The following SYT1 variants were observed in gnomAD, a reference collection of about 807,000 sequenced individuals.
The protein encoded by SYT1 is synaptotagmin-1.
A neutral mutation model predicts 44.8 loss-of-function variants in SYT1; 8 were observed. That is an observed-to-expected ratio of 0.18 (90% CI 0.10 to 0.32). SYT1 has a LOEUF of 0.32. Ranked by LOEUF, SYT1 falls within the 10% of genes least tolerant of loss-of-function variation. The pLI is 1.00. For synonymous variants in SYT1, 154 were observed against 188.8 expected (o/e 0.82, Z 1.51); for missense variants, 286 against 509.3 (o/e 0.56, Z 4.22).
chr12:78,903,657 T>A (rs944165411), intron 1 of SYT1, among the ~76,000 whole-genome samples: 1 of 152,120 alleles, frequency 6.6e-6, no homozygotes, highest in Non-Finnish European at 1.5e-5. Context: ...TTTTATTCTT[T>A]CTGCATTCTA....
chr12:78,872,335 T>C (rs1873864991), intron 1 of SYT1, among the ~76,000 whole-genome samples: 1 of 151,872 alleles, frequency 6.6e-6, no homozygotes, highest in Non-Finnish European at 1.5e-5. Flanking sequence ...AGGAGAGAGC[T>C]GACTCCTTCA....
intron 4 of SYT1, 84 bp downstream of exon 4, chr12:79,217,769 G>T (rs191490209): frequency 1.8e-6 from 2 of 1,104,156 alleles, no homozygotes; most frequent in East Asian, 5.5e-5. Context: ...AACTCCGTTT[G>T]ATATACTATA....
At chr12:78,983,501 A>T (rs1869419949) in intron 2 of SYT1, among the ~76,000 whole-genome samples, 1 of 152,106 alleles carries the variant, frequency 6.6e-6, no homozygotes, top group African/African-American at 2.4e-5. Flanking sequence ...TATTCCAATT[A>T]TCCTAACAAC....
intron 8 of SYT1, among the ~76,000 whole-genome samples, chr12:79,306,620 A>G (rs1354187601): frequency 6.6e-6 from 1 of 152,246 alleles, no homozygotes; most frequent in Non-Finnish European, 1.5e-5. Context: ...GGAGATATAA[A>G]TTCTGATACA....
chr12:79,358,205 T>G (rs1424153674), intron 9 of SYT1, among the ~76,000 whole-genome samples: 1 of 152,160 alleles, frequency 6.6e-6, no homozygotes, highest in Non-Finnish European at 1.5e-5. Flanking sequence ...TAAATGAAAT[T>G]CTGAAAGTTT....
At chr12:79,074,030 A>T (rs2137914745) in intron 3 of SYT1, among the ~76,000 whole-genome samples, 1 of 152,258 alleles carries the variant, frequency 6.6e-6, no homozygotes, top group South Asian at 2.1e-4. Context: ...TATAAAAAAT[A>T]ATGTGCTCAC....
chr12:79,149,983 G>A (rs1734797663), intron 3 of SYT1, among the ~76,000 whole-genome samples: 1 of 152,066 alleles, frequency 6.6e-6, no homozygotes, highest in Non-Finnish European at 1.5e-5. Context: ...ACGGTGTTTT[G>A]TTATGTAACC....
intron 3 of SYT1, among the ~76,000 whole-genome samples, chr12:79,189,255 C>A (rs1872974707): frequency 6.6e-6 from 1 of 152,090 alleles, no homozygotes. Context: ...ACTTTACTAG[C>A]TCTGTGGTCT....
At chr12:79,022,832 C>A (rs1034394175) in intron 2 of SYT1, among the ~76,000 whole-genome samples, 1 of 151,542 alleles carries the variant, frequency 6.6e-6, no homozygotes, top group Admixed American at 6.6e-5. Flanking sequence ...AGCTTCTTTA[C>A]TGAGTAAAAT....
chr12:79,250,845 CT>C (rs1203614290), intron 4 of SYT1, among the ~76,000 whole-genome samples: 1 of 152,102 alleles, frequency 6.6e-6, no homozygotes, highest in Non-Finnish European at 1.5e-5. Flanking sequence ...TTCGTTTTTT[CT>C]TTTTCCATCT....
intron 3 of SYT1, among the ~76,000 whole-genome samples, chr12:79,203,311 A>G (rs1162425023): frequency 6.6e-6 from 1 of 152,148 alleles, no homozygotes; most frequent in Non-Finnish European, 1.5e-5. Context: ...TAGAGTATCT[A>G]TCTGCCTTCC....
At chr12:79,030,936 G>A (rs1284328733) in intron 2 of SYT1, among the ~76,000 whole-genome samples, 1 of 150,912 alleles carries the variant, frequency 6.6e-6, no homozygotes, top group Non-Finnish European at 1.5e-5. Context: ...TATGTCTCCA[G>A]TAGAGTTATA....
chr12:79,410,506 CAAAAAAAA>C (rs5799432), intron 9 of SYT1, among the ~76,000 whole-genome samples: 7 of 75,922 alleles, frequency 9.2e-5, no homozygotes, highest in African/African-American at 3.4e-4. Flanking sequence ...TGTTCAAAGT[CAAAAAAAA>C]AAAAAAAAAA....
At position 79,399,325 on chromosome 12, in the gene SYT1, C is replaced by T. The variant is rs138165365; in HGVS notation, c.929-44748C>T. ...TTTTTTTGCCTTTCAAAATTCCAAT[C>T]ACTGTCTTCAGTAGGTAATCCCAAG... On this transcript the variant is annotated intron_variant, in intron 9 of 10. Transcript: ENST00000261205. 1.3e-3 allele frequency among the ~76,000 whole-genome samples: 190 copies of T among 143,320 alleles called. 2 individuals are homozygous for T. Among genetic ancestry groups the T allele is most frequent in the African/African-American group, 4.6e-3 (179 of 39,266 alleles). 94.0% of individuals were successfully genotyped at this position (143,320 alleles called of 152,430 possible). A position where few individuals can be genotyped will look rare whatever the true frequency, so the allele number is the denominator to read the frequency against.
chr12:79,040,378 G>C (rs1254990571), intron 2 of SYT1, among the ~76,000 whole-genome samples: 2 of 152,208 alleles, frequency 1.3e-5, no homozygotes, highest in South Asian at 4.1e-4. Flanking sequence ...GGCCAGTGAT[G>C]ATGAGCATTT....
intron 1 of SYT1, among the ~76,000 whole-genome samples, chr12:78,920,827 T>C (rs1055330934): frequency 3.3e-5 from 5 of 151,984 alleles, no homozygotes; most frequent in African/African-American, 1.2e-4. Flanking sequence ...ATGATAATGA[T>C]GAACTTTTAG....
At chr12:78,912,871 T>C (rs1876422816) in intron 1 of SYT1, among the ~76,000 whole-genome samples, 1 of 151,922 alleles carries the variant, frequency 6.6e-6, no homozygotes. Flanking sequence ...TTCTAAGAGA[T>C]GCTCTACATT....
rs1000783160 is a variant in SYT1, at chr12:79,179,335, T to C, written c.-17-38168T>C. On this transcript the variant is annotated intron_variant, in intron 3 of 10. Transcript: ENST00000261205. ...ATATAGATATAGATATAGATATAGA[T>C]ATATCGATATGTCTATATCGATATA... 2.5e-3 allele frequency among the ~76,000 whole-genome samples: 215 copies of C among 85,470 alleles called. 3 individuals are homozygous for C. The highest frequency in any genetic ancestry group is 0.011 in the African/African-American group (209 of 19,034). 56.1% of individuals were successfully genotyped at this position (85,470 alleles called of 152,430 possible).
intron 8 of SYT1, among the ~76,000 whole-genome samples, chr12:79,318,992 A>G (rs1399268907): frequency 6.6e-6 from 1 of 152,224 alleles, no homozygotes; most frequent in East Asian, 1.9e-4. Context: ...TAAAATAAAC[A>G]TTAATATTTA....
Sources: allele counts gnomAD v4.1 joint callset (sites outside exome capture counted in the v4.1 genomes callset), GRCh38; gene constraint gnomAD v4.1.1; transcripts MANE v1.5; gene names NCBI Gene and HGNC (gene_info 2026-07-23, HGNC 2026-07-21).